Variants in CFAP54 observed in about 807,000 individuals in gnomAD.
CFAP54 encodes cilia- and flagella-associated protein 54.
A neutral mutation model predicts 370.4 loss-of-function variants in CFAP54; 290 were observed. The ratio of observed to expected loss-of-function variants is 0.78; its 90% CI spans 0.71 to 0.86. The LOEUF is 0.86. Among genes scored for constraint, CFAP54 ranks in the 40% least tolerant of loss-of-function variants. The pLI, the probability that CFAP54 is intolerant of heterozygous loss-of-function variation, is 0.00. For synonymous variants in CFAP54, 1,206 were observed against 1,236.5 expected (o/e 0.98, Z 0.52); for missense variants, 3,399 against 3,528.7 (o/e 0.96, Z 0.93).
At chr12:96,803,845 T>A (rs1958849751) in intron 63 of CFAP54, among the ~76,000 whole-genome samples, 1 of 152,108 alleles carries the variant, frequency 6.6e-6, no homozygotes, top group African/African-American at 2.4e-5. Flanking sequence ...CAGGACATAC[T>A]ATACAACCAA....
At chr12:96,593,187 CAG>C (rs1312919590) in intron 24 of CFAP54, among the ~76,000 whole-genome samples, 1 of 152,242 alleles carries the variant, frequency 6.6e-6, no homozygotes, top group East Asian at 1.9e-4. Flanking sequence ...GATAGATTCT[CAG>C]TGTGGTTATG....
intron 66 of CFAP54, among the ~76,000 whole-genome samples, chr12:96,854,777 A>G (rs1323132703): frequency 6.6e-6 from 1 of 152,194 alleles, no homozygotes; most frequent in Non-Finnish European, 1.5e-5. Context: ...TAACAAGATG[A>G]TATAGGAACT....
intron 63 of CFAP54, among the ~76,000 whole-genome samples, chr12:96,808,076 TG>T (rs1040922008): frequency 6.6e-6 from 1 of 152,190 alleles, no homozygotes; most frequent in African/African-American, 2.4e-5. Flanking sequence ...AGAAAAAAGT[TG>T]CCTTATCTTT....
chr12:96,740,818 G>A (rs553667843), intron 51 of CFAP54, among the ~76,000 whole-genome samples: 1 of 152,292 alleles, frequency 6.6e-6, no homozygotes, highest in African/African-American at 2.4e-5. Context: ...ATTTGGCAAT[G>A]TCTGGAGATA....
At chr12:96,801,434 AAGCTGCC>A (rs1958818619) in intron 63 of CFAP54, among the ~76,000 whole-genome samples, 1 of 152,214 alleles carries the variant, frequency 6.6e-6, no homozygotes, top group Admixed American at 6.5e-5. Flanking sequence ...AATACTAACT[AAGCTGCC>A]AGGGACTATC....
intron 60 of CFAP54, among the ~76,000 whole-genome samples, chr12:96,777,997 G>A (rs1032327899): frequency 1.3e-5 from 2 of 152,174 alleles, no homozygotes; most frequent in African/African-American, 4.8e-5. Context: ...CAACTGTTAT[G>A]TACCCGTACA....
intron 60 of CFAP54, among the ~76,000 whole-genome samples, chr12:96,783,361 A>G (rs1056676526): frequency 6.6e-6 from 1 of 152,248 alleles, no homozygotes; most frequent in African/African-American, 2.4e-5. Context: ...GAAAACATGC[A>G]TAGGCCACTA....
intron 25 of CFAP54, among the ~76,000 whole-genome samples, chr12:96,595,160 G>T (rs1956164565): frequency 6.6e-6 from 1 of 152,118 alleles, no homozygotes; most frequent in South Asian, 2.1e-4. Flanking sequence ...GCTCCTAAAG[G>T]CCAACTACTA....
At chr12:96,582,173 A>G (rs1187661539) in intron 22 of CFAP54, among the ~76,000 whole-genome samples, 1 of 152,236 alleles carries the variant, frequency 6.6e-6, no homozygotes, top group Non-Finnish European at 1.5e-5. Context: ...AAATGGAATT[A>G]TGCCTGTCAA....
chr12:96,648,484 C>G (rs944416198), intron 34 of CFAP54, among the ~76,000 whole-genome samples: 3 of 151,340 alleles, frequency 2.0e-5, no homozygotes, highest in Non-Finnish European at 4.4e-5. Context: ...CAACCAGCAT[C>G]TTCCAAGAAA....
chr12:96,783,427 T>C (rs1272245465), intron 60 of CFAP54, among the ~76,000 whole-genome samples: 1 of 152,238 alleles, frequency 6.6e-6, no homozygotes, highest in African/African-American at 2.4e-5. Context: ...ACTGTTCTAA[T>C]CAAATGTTAT....
At chr12:96,811,888 C>A (rs1026132436) in intron 64 of CFAP54, 46 bp downstream of exon 64, 1 of 1,158,896 alleles carries the variant, frequency 8.6e-7, no homozygotes, top group South Asian at 1.5e-5. Context: ...TGTTATCTCT[C>A]ACGAGAATAG....
intron 17 of CFAP54, among the ~76,000 whole-genome samples, chr12:96,556,498 A>G (rs551909024): frequency 1.3e-5 from 2 of 152,236 alleles, no homozygotes; most frequent in South Asian, 4.2e-4. Flanking sequence ...AAATTACTAC[A>G]AACTTGAGTG....
chr12:96,614,487 C>G (rs1304138508), intron 26 of CFAP54, among the ~76,000 whole-genome samples: 1 of 152,192 alleles, frequency 6.6e-6, no homozygotes, highest in African/African-American at 2.4e-5. Context: ...CACACCTATT[C>G]AACATAGTGT....
intron 65 of CFAP54, among the ~76,000 whole-genome samples, chr12:96,825,260 T>TATATAATATAACATGTTATATTATATATA (rs1565992339): frequency 2.0e-4 from 21 of 106,138 alleles, no homozygotes; most frequent in African/African-American, 7.9e-4. Flanking sequence ...TTATATATTA[T>TATATAATATAACATGTTATATTATATATA]ATATAATATA....
intron 66 of CFAP54, among the ~76,000 whole-genome samples, chr12:96,847,951 C>T (rs1228378247): frequency 2.0e-5 from 3 of 152,212 alleles, no homozygotes; most frequent in African/African-American, 7.2e-5. Flanking sequence ...ATAATCTATT[C>T]TTCTATTCTT....
intron 63 of CFAP54, among the ~76,000 whole-genome samples, chr12:96,811,280 TG>T (rs779786564): frequency 3.3e-5 from 5 of 152,156 alleles, no homozygotes; most frequent in Non-Finnish European, 7.3e-5. Flanking sequence ...TCATCTTAGC[TG>T]TGGTGGCTAG....
At chr12:96,841,144 G>C (rs1959211835) in intron 66 of CFAP54, among the ~76,000 whole-genome samples, 1 of 152,184 alleles carries the variant, frequency 6.6e-6, no homozygotes, top group South Asian at 2.1e-4. Flanking sequence ...AATTTAAACT[G>C]AGATATCATG....
chr12:96,676,875 T>G (rs1459608107), intron 39 of CFAP54, among the ~76,000 whole-genome samples: 1 of 152,132 alleles, frequency 6.6e-6, no homozygotes, highest in African/African-American at 2.4e-5. Context: ...CCCGCTTCTA[T>G]CATGGGAGGG....
Sources: gnomAD v4.1 joint callset for allele counts (sites outside exome capture counted in the v4.1 genomes callset) on GRCh38, gnomAD v4.1.1 for gene constraint, MANE v1.5 for transcripts, NCBI Gene and HGNC (gene_info 2026-07-23, HGNC 2026-07-21) for gene names.